Variants in MSI2 observed in about 807,000 individuals in gnomAD.
MSI2 encodes the protein RNA-binding protein Musashi homolog 2.
In MSI2, 17 loss-of-function variants were observed where a neutral mutation model predicts 45.6. That is an observed-to-expected ratio of 0.37 (90% CI 0.26 to 0.56). The LOEUF (loss-of-function observed/expected upper bound fraction) is 0.56. Among genes scored for constraint, MSI2 ranks in the 20% least tolerant of loss-of-function variants. The pLI is 0.77. For missense variants in MSI2, 293 were observed against 444.2 expected, an observed-to-expected ratio of 0.66 and a Z score of 3.06; for synonymous variants, 156 against 158.2, an observed-to-expected ratio of 0.99 and a Z score of 0.11.
intron 10 of MSI2, among the ~76,000 whole-genome samples, chr17:57,641,871 C>A (rs992464778): frequency 2.0e-5 from 3 of 152,160 alleles, no homozygotes; most frequent in Non-Finnish European, 4.4e-5. Context: ...CACAGGGTAG[C>A]AAGGGCTGGC....
the MSI2 span, among the ~76,000 whole-genome samples, chr17:57,692,284 A>G: frequency 2.6e-5 from 4 of 152,066 alleles, no homozygotes; most frequent in South Asian, 2.1e-4. Context: ...TGTCTATGTT[A>G]ATTTGTACTG....
At chr17:57,664,721 G>T (rs1476465469) in intron 11 of MSI2, among the ~76,000 whole-genome samples, 1 of 152,154 alleles carries the variant, frequency 6.6e-6, no homozygotes, top group Non-Finnish European at 1.5e-5. Context: ...CCTTGGGTGT[G>T]GTTGATTAAA....
intron 6 of MSI2, among the ~76,000 whole-genome samples, chr17:57,408,919 C>G (rs1015718103): frequency 3.3e-5 from 5 of 151,414 alleles, no homozygotes; most frequent in African/African-American, 4.9e-5. Context: ...CCCCCTTACA[C>G]AGGTCCTGTA....
At chr17:57,402,644 G>A (rs764794737) in intron 6 of MSI2, among the ~76,000 whole-genome samples, 4 of 152,224 alleles carry the variant, frequency 2.6e-5, no homozygotes, top group Non-Finnish European at 5.9e-5. Context: ...TGTCTGGGAT[G>A]AGGGCCATGA....
chr17:57,341,575 C>T (rs1915164598), intron 5 of MSI2, among the ~76,000 whole-genome samples: 1 of 152,242 alleles, frequency 6.6e-6, no homozygotes, highest in African/African-American at 2.4e-5. Context: ...TCCTCTTTCA[C>T]TCCCTGGTAC....
intron 5 of MSI2, among the ~76,000 whole-genome samples, chr17:57,362,542 T>C (rs1287463513): frequency 6.6e-6 from 1 of 152,216 alleles, no homozygotes; most frequent in Non-Finnish European, 1.5e-5. Flanking sequence ...CCGTCAACTG[T>C]TGCAACAGCA....
intron 6 of MSI2, among the ~76,000 whole-genome samples, chr17:57,443,399 G>C (rs761876907): frequency 6.6e-6 from 1 of 152,190 alleles, no homozygotes; most frequent in African/African-American, 2.4e-5. Context: ...CCGGGCACAC[G>C]TGGCACCGGC....
chr17:57,518,977 C>T (rs1301526162), intron 6 of MSI2, among the ~76,000 whole-genome samples: 2 of 152,218 alleles, frequency 1.3e-5, no homozygotes, highest in Non-Finnish European at 2.9e-5. Context: ...CCTCTCTACA[C>T]CCCATCTCAG....
At chr17:57,670,298 G>A (rs147528287) in intron 11 of MSI2, among the ~76,000 whole-genome samples, 14 of 152,274 alleles carry the variant, frequency 9.2e-5, no homozygotes, top group Admixed American at 2.0e-4. Context: ...TACCCTCCAT[G>A]CCTAATTCCA....
At chr17:57,377,144 T>C (rs1052668928) in intron 5 of MSI2, among the ~76,000 whole-genome samples, 1 of 152,124 alleles carries the variant, frequency 6.6e-6, no homozygotes, top group Non-Finnish European at 1.5e-5. Flanking sequence ...ATGGTCTCGA[T>C]CTCCTGACCT....
At chr17:57,405,523 C>T (rs190734631) in intron 6 of MSI2, among the ~76,000 whole-genome samples, 2 of 152,196 alleles carry the variant, frequency 1.3e-5, no homozygotes, top group Non-Finnish European at 2.9e-5. Context: ...TAGGCTATAA[C>T]CAAAATAATA....
At chr17:57,699,044 AGTGT>A in the MSI2 span, among the ~76,000 whole-genome samples, 10 of 8,452 alleles carry the variant, frequency 1.2e-3, no homozygotes, top group South Asian at 2.0e-3. Context: ...AGAGAGAGAG[AGTGT>A]GTGTGTGTGT....
At chr17:57,309,277 T>C (rs6503808) in intron 5 of MSI2, among the ~76,000 whole-genome samples, 22,461 of 152,196 alleles carry the variant, frequency 0.15, 1,772 homozygotes, top group African/African-American at 0.2. Context: ...CTTGTAAGCA[T>C]TTCTGTCTTA....
intron 5 of MSI2, among the ~76,000 whole-genome samples, chr17:57,292,583 G>A (rs1373134568): frequency 6.6e-6 from 1 of 152,092 alleles, no homozygotes; most frequent in Admixed American, 6.5e-5. Flanking sequence ...GTTGGTGGGG[G>A]GTCCCTCACC....
At chr17:57,535,459 G>T (rs1306596642) in intron 7 of MSI2, among the ~76,000 whole-genome samples, 2 of 152,256 alleles carry the variant, frequency 1.3e-5, no homozygotes, top group African/African-American at 4.8e-5. Flanking sequence ...CAGCAGGCCT[G>T]CTTGCCCTGG....
At chr17:57,575,013 G>A (rs2087985975) in intron 7 of MSI2, among the ~76,000 whole-genome samples, 1 of 151,996 alleles carries the variant, frequency 6.6e-6, no homozygotes, top group South Asian at 2.1e-4. Flanking sequence ...TGTGTTTTTA[G>A]TAGAGATGGG....
intron 6 of MSI2, among the ~76,000 whole-genome samples, chr17:57,524,378 T>C (rs1244002058): frequency 6.6e-6 from 1 of 152,216 alleles, no homozygotes; most frequent in Non-Finnish European, 1.5e-5. Flanking sequence ...CATAGACCTG[T>C]GTGAGTTGTC....
chr17:57,587,140 A>G (rs1028997441), intron 7 of MSI2, among the ~76,000 whole-genome samples: 2 of 152,136 alleles, frequency 1.3e-5, no homozygotes, highest in Admixed American at 1.3e-4. Flanking sequence ...GCAGGACCAT[A>G]CCCAGAAGCA....
intron 5 of MSI2, chr17:57,264,001 T>C (rs1598042489): frequency 1.3e-5 from 2 of 152,326 alleles, no homozygotes; most frequent in African/African-American, 4.8e-5. Flanking sequence ...ATTTGGCTGT[T>C]GTCCCTAACC....
Sources: allele counts gnomAD v4.1 joint callset (sites outside exome capture counted in the v4.1 genomes callset), GRCh38; gene constraint gnomAD v4.1.1; transcripts MANE v1.5; gene names NCBI Gene and HGNC (gene_info 2026-07-23, HGNC 2026-07-21).